NGFR: variants seen among roughly 807,000 people sequenced by gnomAD.
NGFR encodes nerve growth factor receptor, also known as tumor necrosis factor receptor superfamily member 16.
A neutral mutation model predicts 43.2 loss-of-function variants in NGFR; 30 were observed. The observed-to-expected ratio is 0.69, with a 90% CI of 0.52 to 0.94. NGFR has a LOEUF of 0.94. NGFR is among the 40% of genes least tolerant of loss of function. NGFR has a pLI of 0.00. For synonymous variants in NGFR, 246 were observed against 259.6 expected, an observed-to-expected ratio of 0.95 and a Z score of 0.50; for missense variants, 529 against 602.5, an observed-to-expected ratio of 0.88 and a Z score of 1.28.
intron 3 of NGFR, among the ~76,000 whole-genome samples, chr17:49,506,885 T>A (rs1263272116): frequency 6.6e-6 from 1 of 152,220 alleles, no homozygotes; most frequent in Non-Finnish European, 1.5e-5. Flanking sequence ...CTGTGTTACC[T>A]TCTTTGGGCT....
chr17:49,496,366 C>T (rs924250816), intron 1 of NGFR: 1 of 152,200 alleles, frequency 6.6e-6, no homozygotes, highest in African/African-American at 2.4e-5. Context: ...CGAACCCGCT[C>T]CCGGGGTTCC....
chr17:49,502,189 G>A lies in NGFR; in HGVS notation c.193G>A (p.Glu65Lys). 1 of 1,608,258 alleles carries A rather than the reference G, an allele frequency of 6.2e-7. No individual in the cohort carries two copies. Among genetic ancestry groups the A allele is most frequent in the Non-Finnish European group, 8.5e-7 (1 of 1,177,076 alleles). ...QPCGANQTVC[E>K]PCLDSVTFSD... ...TTGTGGAGCCAACCAGACCGTGTGTGAGCCCTGCCTGGACAGTGAGTAGAG... is the reference window on the plus strand; with the variant it reads ...TTGTGGAGCCAACCAGACCGTGTGTAAGCCCTGCCTGGACAGTGAGTAGAG... The change falls in exon 2 of 6, where the codon GAG becomes AAG. Residue 65 changes from glutamate (E) to lysine (K), a missense_variant. Physicochemically the swap from Glu to Lys is moderately conservative, Grantham distance 56 (BLOSUM62 1). Coordinates refer to ENST00000172229, the MANE Select transcript of NGFR (RefSeq NM_002507.4).
At chr17:49,510,702 TTTGCC>T (rs1450315903) in intron 4 of NGFR, 38 bp downstream of exon 4, 1 of 1,603,236 alleles carries the variant, frequency 6.2e-7, no homozygotes, top group East Asian at 2.2e-5. Flanking sequence ...AGGGGAGATG[TTTGCC>T]CTCAAGGAAG....
chr17:49,509,590 C>G (rs1209392565), intron 3 of NGFR, among the ~76,000 whole-genome samples: 4 of 152,312 alleles, frequency 2.6e-5, no homozygotes. Flanking sequence ...ACAGTCTCCC[C>G]CCGCCAGCTG....
intron 3 of NGFR, 26 bp downstream of exon 3, chr17:49,506,684 GAGTGGGGGTGC>G (rs1567739890): frequency 1.8e-5 from 20 of 1,133,700 alleles, no homozygotes; most frequent in South Asian, 3.7e-5. Flanking sequence ...GGGGCGGGGG[GAGTGGGGGTGC>G]GGGGGTGGGC....
chr17:49,511,115 T>TAA (rs34854378), intron 4 of NGFR: 7,446 of 129,738 alleles, frequency 0.057, 224 homozygotes, highest in East Asian at 0.11. Flanking sequence ...CCATTCTTTC[T>TAA]AAAAAAAAAA....
chr17:49,501,999 A>AGGGGGCCCCC, intron 1 of NGFR, 64 bp from the exon 2 acceptor site: 3 of 330,984 alleles, frequency 9.1e-6, no homozygotes, highest in Non-Finnish European at 1.8e-5. Context: ...TCCCCGGAAG[A>AGGGGGCCCCC]ACCCCCCCCA....
At chr17:49,504,780 T>TTC (rs2071187219) in intron 2 of NGFR, among the ~76,000 whole-genome samples, 1 of 141,090 alleles carries the variant, frequency 7.1e-6, no homozygotes, top group African/African-American at 2.7e-5. Flanking sequence ...TTTTTTTTTT[T>TTC]TTTTTTTTTT....
rs1055502169 is a variant in NGFR at position 49,495,333 on chromosome 17, G to A, written c.-85G>A. 4.6e-6 allele frequency: 5 copies of A among 1,086,610 alleles called. No homozygotes were observed. Among genetic ancestry groups the A allele is most frequent in the South Asian group, 4.6e-5 (1 of 21,572 alleles). The allele number at this position is 1,086,610 out of a possible 1,614,324, so 67.3% of individuals were successfully genotyped here. A position where few individuals can be genotyped will look rare whatever the true frequency, so the allele number is the denominator to read the frequency against. On this transcript the variant is annotated 5_prime_UTR_variant, in exon 1 of 6. Transcript: ENST00000172229. This position sits in a 1 kb window ranked among gnomAD's most constrained non-coding sequence, Gnocchi z 6.4. Reference sequence around the variant, plus strand: ...GCGGCCAGCTCCGGCGGGCAGGGGGGGCGCTGGAGCGCAGCGCAGCGCAGC... The same window carrying A: ...GCGGCCAGCTCCGGCGGGCAGGGGGAGCGCTGGAGCGCAGCGCAGCGCAGC...
chr17:49,500,258 G>A (rs892010929), intron 1 of NGFR, among the ~76,000 whole-genome samples: 36 of 152,318 alleles, frequency 2.4e-4, no homozygotes, highest in African/African-American at 8.7e-4. Context: ...AATGATGAGG[G>A]CAGCAAAGCC....
chr17:49,499,951 A>G (rs894638204), intron 1 of NGFR, among the ~76,000 whole-genome samples: 3 of 151,978 alleles, frequency 2.0e-5, no homozygotes, highest in African/African-American at 7.3e-5. Context: ...CCTTAAATAG[A>G]TTAGCGTGGT....
intron 1 of NGFR, 63 bp from the exon 2 acceptor site, chr17:49,502,000 A>AAAAGAGGGGGGGGGGGC: frequency 3.8e-6 from 1 of 264,886 alleles, no homozygotes; most frequent in Non-Finnish European, 7.9e-6. Context: ...CCCCGGAAGA[A>AAAAGAGGGGGGGGGGGC]CCCCCCCCAA....
Position 49,513,132 on chromosome 17 carries a change from G to A in NGFR, c.*123G>A. On this transcript the variant is annotated 3_prime_UTR_variant, in exon 6 of 6. Coordinates refer to ENST00000172229, the MANE Select transcript of NGFR (RefSeq NM_002507.4). ...GCCTGGCAGAACTGAGCTCCTCTGG[G>A]CAGGACCTCAGAGTCCAGGCCCCAA... 9.0e-7 allele frequency: 1 copy of A among 1,107,424 alleles called. No individual in the cohort carries two copies. The highest frequency in any genetic ancestry group is 1.2e-6 in the Non-Finnish European group (1 of 801,588). 68.6% of individuals were successfully genotyped at this position (1,107,424 alleles called of 1,614,324 possible). A position where few individuals can be genotyped will look rare whatever the true frequency, so the allele number is the denominator to read the frequency against.
Position 49,501,990 on chromosome 17 carries a change from C to T in NGFR, c.67-73C>T, listed in dbSNP as rs1055996419. On this transcript the variant is annotated intron_variant, in intron 1 of 5. Transcript: ENST00000172229. ...GGCAGTGGGAGGAGGGTGTTTGATT[C>T]CCCGGAAGAACCCCCCCCAACCCAC... 7.1e-6 allele frequency: 9 copies of T among 1,271,204 alleles called. No individual in the cohort carries two copies. The Admixed American group carries it at 1.7e-4, about 25-fold the overall frequency. 78.7% of individuals were successfully genotyped at this position (1,271,204 alleles called of 1,614,324 possible). A position where few individuals can be genotyped will look rare whatever the true frequency, so the allele number is the denominator to read the frequency against.
chr17:49,510,597 A>G lies in NGFR; in HGVS notation c.754A>G (p.Ile252Val). Residue 252 changes from isoleucine (I) to valine (V), a missense_variant, in exon 4 of 6, where the codon ATC (isoleucine) becomes GTC (valine). Ile to Val is a conservative substitution (Grantham distance 29). Transcript: ENST00000172229. ...GACCCGAGGCACCACCGACAACCTC[A>G]TCCCTGTCTATTGCTCCATCCTGGC... is the stretch of plus-strand genomic sequence containing the variant. ...VVTRGTTDNL[I>V]PVYCSILAAV... is the part of the protein sequence containing the mutation. The G allele has an allele frequency of 6.2e-7, 1 of 1,612,406 alleles. No individual in the cohort carries two copies. The highest frequency in any genetic ancestry group is 8.5e-7 in the Non-Finnish European group (1 of 1,178,682).
chr17:49,512,892 C>G lies in NGFR; in HGVS notation c.1167C>G (p.Ser389Arg). 6.2e-7 allele frequency: 1 copy of G among 1,613,034 alleles called. No individual in the cohort carries two copies. The highest frequency in any genetic ancestry group is 8.5e-7 in the Non-Finnish European group (1 of 1,179,796). The stretch of plus-strand genomic sequence containing the variant: ...GCCCCGTTCGCGCCCTGCTTGCAAG[C>G]TGGGCCACCCAGGACAGCGCCACAC... ...EACPVRALLA[S>R]WATQDSATLD... Residue 389 changes from serine to arginine, a missense_variant, in exon 6 of 6, where the codon AGC becomes AGG. Coordinates refer to ENST00000172229, the MANE Select transcript of NGFR (RefSeq NM_002507.4). The surrounding 1 kb of genome is among the most constrained non-coding windows in gnomAD (Gnocchi z 5.2).
At chr17:49,511,851 G>A (rs1050384073) in intron 4 of NGFR, 41 bp from the exon 5 acceptor site, 1 of 1,522,780 alleles carries the variant, frequency 6.6e-7, no homozygotes, top group Non-Finnish European at 8.8e-7. Context: ...GGCCACTACA[G>A]CCCCTCGCCC....
Position 49,506,541 on chromosome 17 carries a change from G to A in NGFR, c.451G>A (p.Asp151Asn). The A allele has an allele frequency of 6.2e-7, 1 of 1,611,832 alleles. No individual in the cohort carries two copies. The highest frequency in any genetic ancestry group is 1.3e-5 in the African/African-American group (1 of 74,980). ...KQNTVCEECP[D>N]GTYSDEANHV... ...GAACACCGTGTGCGAGGAGTGCCCCGACGGCACGTATTCCGACGAGGCCAA... is the reference window on the plus strand; with the variant it reads ...GAACACCGTGTGCGAGGAGTGCCCCAACGGCACGTATTCCGACGAGGCCAA... Residue 151 changes from aspartate to asparagine, a missense_variant, in exon 3 of 6, where the codon GAC becomes AAC. Coordinates refer to ENST00000172229, the MANE Select transcript of NGFR (RefSeq NM_002507.4).
intron 1 of NGFR, chr17:49,496,053 G>C (rs1434219064): frequency 6.5e-6 from 1 of 153,666 alleles, no homozygotes; most frequent in African/African-American, 2.4e-5. Flanking sequence ...GGGGGGGAGG[G>C]GCGTCGGAGG....
Sources: allele counts gnomAD v4.1 joint callset (sites outside exome capture counted in the v4.1 genomes callset), GRCh38; gene constraint gnomAD v4.1.1; non-coding constraint Gnocchi (gnomAD v3.1); transcripts MANE v1.5; gene names NCBI Gene and HGNC (gene_info 2026-07-23, HGNC 2026-07-21).